Variants in TRDN observed in about 807,000 individuals in gnomAD.
The protein encoded by TRDN is triadin in skeletal muscle.
TRDN carries 161 observed loss-of-function variants against 149.7 expected under a neutral mutation model. The observed-to-expected ratio is 1.08, with a 90% CI of 0.95 to 1.23. The LOEUF (loss-of-function observed/expected upper bound fraction) is 1.23, where lower values mean the gene tolerates loss of function less well. Among genes scored for constraint, TRDN ranks in the 50% most tolerant of loss-of-function variants. The probability of loss-of-function intolerance (pLI) is 0.00; values close to 1 mark genes in which losing one functional copy is unlikely to be tolerated. For missense variants in TRDN, 896 were observed against 823.5 expected (o/e 1.09, Z -1.08); for synonymous variants, 294 against 250.5 (o/e 1.17, Z -1.64).
At chr6:123,630,376 A>G (rs931707635) in intron 1 of TRDN, among the ~76,000 whole-genome samples, 3 of 152,016 alleles carry the variant, frequency 2.0e-5, no homozygotes, top group South Asian at 2.1e-4. Flanking sequence ...CACAAAGGTC[A>G]ATGTAGATGA....
intron 12 of TRDN, among the ~76,000 whole-genome samples, chr6:123,436,693 G>C (rs752136430): frequency 6.6e-6 from 1 of 151,898 alleles, no homozygotes; most frequent in East Asian, 1.9e-4. Flanking sequence ...CTCCCCAGAC[G>C]GTTCCCCACC....
intron 19 of TRDN, among the ~76,000 whole-genome samples, chr6:123,367,935 C>T (rs112275581): frequency 3.9e-5 from 6 of 152,262 alleles, no homozygotes; most frequent in African/African-American, 1.4e-4. Context: ...AAAACAGAGT[C>T]CATATGGCTC....
chr6:123,593,893 A>G (rs1482595744), intron 1 of TRDN, among the ~76,000 whole-genome samples: 4 of 152,176 alleles, frequency 2.6e-5, no homozygotes, highest in Non-Finnish European at 5.9e-5. Flanking sequence ...ATGTACACCT[A>G]AGGCATTACT....
chr6:123,536,365 G>C (rs1442049683), intron 4 of TRDN, among the ~76,000 whole-genome samples: 1 of 151,738 alleles, frequency 6.6e-6, no homozygotes, highest in East Asian at 1.9e-4. Flanking sequence ...TTTAGAAGGT[G>C]GTGATGGATC....
intron 10 of TRDN, among the ~76,000 whole-genome samples, chr6:123,453,590 TA>T (rs71021448): frequency 6.6e-6 from 1 of 151,622 alleles, no homozygotes; most frequent in Non-Finnish European, 1.5e-5. Context: ...ATGGCCATAA[TA>T]AAAAAAATAA....
chr6:123,609,760 A>G (rs1784702258), intron 1 of TRDN, among the ~76,000 whole-genome samples: 1 of 152,116 alleles, frequency 6.6e-6, no homozygotes, highest in Non-Finnish European at 1.5e-5. Flanking sequence ...TATCCTACTT[A>G]TGTGCTATCA....
intron 38 of TRDN, among the ~76,000 whole-genome samples, chr6:123,238,472 G>A (rs1775871037): frequency 6.6e-6 from 1 of 151,864 alleles, no homozygotes; most frequent in Non-Finnish European, 1.5e-5. Context: ...CTGCAAAATG[G>A]AATAATAAAA....
intron 40 of TRDN, among the ~76,000 whole-genome samples, chr6:123,220,435 C>A (rs947258232): frequency 6.6e-6 from 1 of 151,758 alleles, no homozygotes; most frequent in South Asian, 2.1e-4. Flanking sequence ...ATTGGGAAAG[C>A]GTTGCTATAT....
intron 2 of TRDN, among the ~76,000 whole-genome samples, chr6:123,563,790 A>G (rs1782126197): frequency 6.6e-6 from 1 of 152,092 alleles, no homozygotes; most frequent in Non-Finnish European, 1.5e-5. Flanking sequence ...TGGAAGCTTT[A>G]CTTTTTTGTT....
At chr6:123,283,936 T>C (rs1481652551) in intron 24 of TRDN, among the ~76,000 whole-genome samples, 1 of 131,024 alleles carries the variant, frequency 7.6e-6, no homozygotes, top group African/African-American at 3.0e-5. Flanking sequence ...TTTATTACCA[T>C]TTCAGTCTCT....
At chr6:123,320,882 G>A (rs1029729723) in intron 23 of TRDN, among the ~76,000 whole-genome samples, 11 of 151,336 alleles carry the variant, frequency 7.3e-5, no homozygotes, top group East Asian at 1.9e-4. Flanking sequence ...AGTTTCCTAC[G>A]TTGAGCTGGT....
chr6:123,516,214 G>T lies in TRDN; in HGVS notation c.485-8C>A, dbSNP rs767131579. The T allele has an allele frequency of 6.1e-6, 9 of 1,474,626 alleles. No individual in the cohort carries two copies. In the South Asian group the frequency reaches 1.0e-4, roughly 17 times the overall value. The allele number at this position is 1,474,626 out of a possible 1,614,324, so 91.3% of individuals were successfully genotyped here. On this transcript the variant is annotated splice_polypyrimidine_tract_variant and splice_region_variant and intron_variant, in intron 5 of 40. Coordinates refer to ENST00000334268, the MANE Select transcript of TRDN (RefSeq NM_006073.4). ...CTTTTTCTTTGTGTGTAACTGAAAA[G>T]AAACAGATAAATAGTTTTCATTTAA...
Position 123,339,487 on chromosome 6 carries a change from C to T in TRDN, c.1370-1818G>A, listed in dbSNP as rs752656760. Among the ~76,000 whole-genome samples, 15 of 152,036 alleles carry T rather than the reference C, an allele frequency of 9.9e-5. 1 individual carries two copies. Among genetic ancestry groups the T allele is most frequent in the Non-Finnish European group, 1.3e-4 (9 of 68,024 alleles). On this transcript the variant is annotated intron_variant, in intron 21 of 40. Coordinates refer to ENST00000334268, the MANE Select transcript of TRDN (RefSeq NM_006073.4). ...TATTGTGTTTCATATGTCAACAGGACGCCCAAAAAGGAAACATCCAGCAAG... is the reference window on the plus strand; with the variant it reads ...TATTGTGTTTCATATGTCAACAGGATGCCCAAAAAGGAAACATCCAGCAAG...
chr6:123,539,771 T>C (rs57595067), intron 4 of TRDN, among the ~76,000 whole-genome samples: 2,963 of 152,350 alleles, frequency 0.019, 93 homozygotes, highest in African/African-American at 0.068. Flanking sequence ...TTAGCCATTG[T>C]GTGTAAACAA....
At chr6:123,381,309 A>C in intron 16 of TRDN, 61 bp downstream of exon 16, 5 of 1,460,972 alleles carry the variant, frequency 3.4e-6, no homozygotes, top group Non-Finnish European at 4.7e-6. Flanking sequence ...TAAATACAGC[A>C]GCAGGCAAAT....
intron 38 of TRDN, among the ~76,000 whole-genome samples, chr6:123,238,198 G>A (rs565624212): frequency 1.2e-3 from 186 of 152,198 alleles, no homozygotes; most frequent in African/African-American, 4.3e-3. Flanking sequence ...AAATGCAAAA[G>A]AAATGGTAAA....
At chr6:123,632,338 G>A (rs760375528) in intron 1 of TRDN, among the ~76,000 whole-genome samples, 1 of 151,892 alleles carries the variant, frequency 6.6e-6, no homozygotes, top group Non-Finnish European at 1.5e-5. Flanking sequence ...CTAGTCAGAA[G>A]AGTCAGTTCT....
intron 9 of TRDN, among the ~76,000 whole-genome samples, chr6:123,495,595 G>A (rs1036290471): frequency 1.3e-5 from 2 of 151,956 alleles, no homozygotes; most frequent in Non-Finnish European, 2.9e-5. Flanking sequence ...CAAACTCCTG[G>A]GCTGAAGTGA....
At chr6:123,524,635 A>G (rs1032148593) in intron 5 of TRDN, among the ~76,000 whole-genome samples, 5 of 152,134 alleles carry the variant, frequency 3.3e-5, no homozygotes, top group Admixed American at 6.6e-5. Flanking sequence ...AAACAAAAAC[A>G]AAACAAAATT....
Sources: gnomAD v4.1 joint callset for allele counts (sites outside exome capture counted in the v4.1 genomes callset) on GRCh38, gnomAD v4.1.1 for gene constraint, MANE v1.5 for transcripts, NCBI Gene and HGNC (gene_info 2026-07-23, HGNC 2026-07-21) for gene names.